The following RPTOR variants were observed in gnomAD, a reference collection of about 807,000 sequenced individuals.
The protein encoded by RPTOR is regulatory-associated protein of mTOR.
A neutral mutation model predicts 169.9 loss-of-function variants in RPTOR; 21 were observed. The observed-to-expected ratio is 0.12, with a 90% CI of 0.09 to 0.18. RPTOR has a LOEUF of 0.18. Ranked by LOEUF, RPTOR falls within the 10% of genes least tolerant of loss-of-function variation. The probability of loss-of-function intolerance (pLI) is 1.00; values close to 1 mark genes in which losing one functional copy is unlikely to be tolerated. For missense variants in RPTOR, 1,133 were observed against 1,855.9 expected, an observed-to-expected ratio of 0.61 and a Z score of 7.16; for synonymous variants, 732 against 753.2, an observed-to-expected ratio of 0.97 and a Z score of 0.46.
At chr17:80,573,122 A>G (rs2064924995) in intron 1 of RPTOR, among the ~76,000 whole-genome samples, 1 of 152,078 alleles carries the variant, frequency 6.6e-6, no homozygotes, top group Non-Finnish European at 1.5e-5. Context: ...TGTTTATCCC[A>G]TTGATCTGCT....
intron 25 of RPTOR, among the ~76,000 whole-genome samples, chr17:80,943,865 C>A (rs1012740324): frequency 1.6e-4 from 24 of 152,202 alleles, no homozygotes; most frequent in Non-Finnish European, 2.2e-4. Flanking sequence ...CCACCTGGAG[C>A]TATGTCTCTG....
intron 1 of RPTOR, among the ~76,000 whole-genome samples, chr17:80,551,862 A>G (rs2084349740): frequency 6.6e-6 from 1 of 152,172 alleles, no homozygotes; most frequent in Non-Finnish European, 1.5e-5. Flanking sequence ...TTTCCTAGGC[A>G]GAGGTCCCTG....
intron 1 of RPTOR, among the ~76,000 whole-genome samples, chr17:80,587,762 A>G (rs2065073367): frequency 1.3e-5 from 2 of 150,508 alleles, no homozygotes; most frequent in Non-Finnish European, 1.5e-5. Flanking sequence ...AACCATCACC[A>G]CACATATGTA....
At chr17:80,954,689 G>A (rs529128064) in intron 28 of RPTOR, among the ~76,000 whole-genome samples, 4 of 152,372 alleles carry the variant, frequency 2.6e-5, no homozygotes, top group Admixed American at 2.0e-4. Context: ...AGCCGAGGCA[G>A]ATGGATCACC....
chr17:80,908,212 C>G (rs1459532543), intron 20 of RPTOR, among the ~76,000 whole-genome samples: 1 of 152,204 alleles, frequency 6.6e-6, no homozygotes, highest in Non-Finnish European at 1.5e-5. Context: ...GTCTTTGTAT[C>G]CGAGTATGCA....
At chr17:80,605,586 C>T (rs974103535) in intron 1 of RPTOR, among the ~76,000 whole-genome samples, 2 of 152,138 alleles carry the variant, frequency 1.3e-5, no homozygotes, top group Non-Finnish European at 2.9e-5. Flanking sequence ...ATGGGGCATA[C>T]CGGCTGCAAA....
At chr17:80,554,572 T>C (rs190642517) in intron 1 of RPTOR, among the ~76,000 whole-genome samples, 1 of 152,002 alleles carries the variant, frequency 6.6e-6, no homozygotes, top group East Asian at 1.9e-4. Flanking sequence ...TGAAACCCCA[T>C]CTCTACTAAA....
At chr17:80,937,588 C>T (rs1015059340) in intron 24 of RPTOR, among the ~76,000 whole-genome samples, 2 of 152,220 alleles carry the variant, frequency 1.3e-5, no homozygotes, top group African/African-American at 2.4e-5. Context: ...AGATCCTCAT[C>T]ATGTAACAGG....
chr17:80,742,154 T>C (rs944069163), intron 5 of RPTOR, among the ~76,000 whole-genome samples: 31 of 152,112 alleles, frequency 2.0e-4, no homozygotes, highest in African/African-American at 7.5e-4. Context: ...ATGTGGAAGC[T>C]CCTGAGGGAG....
chr17:80,710,974 CT>C (rs1371138678), intron 4 of RPTOR, among the ~76,000 whole-genome samples: 1 of 152,212 alleles, frequency 6.6e-6, no homozygotes, highest in African/African-American at 2.4e-5. Flanking sequence ...AAAGAAAGCT[CT>C]CTGGGTGGTA....
intron 5 of RPTOR, among the ~76,000 whole-genome samples, chr17:80,753,155 C>T (rs1277359043): frequency 6.6e-6 from 1 of 152,204 alleles, no homozygotes; most frequent in East Asian, 1.9e-4. Context: ...TCCCCCTAAT[C>T]CCCCACTCGG....
rs2066150053 is a variant in RPTOR, at chr17:80,707,434, CTG to C, written c.349-405_349-404del. On this transcript the variant is annotated intron_variant, in intron 3 of 33. Coordinates refer to ENST00000306801, the MANE Select transcript of RPTOR (RefSeq NM_020761.3). The surrounding 1 kb of genome is among the most constrained non-coding windows in gnomAD (Gnocchi z 5.0). ...TTTGTTTTTTTGAGACCATCTCACT[CTG>C]TCACTCAGGCTGGAGTACAGTGTTG... Among the ~76,000 whole-genome samples the C allele has an allele frequency of 6.6e-6, 1 of 152,216 alleles. No individual in the cohort carries two copies. Among genetic ancestry groups the C allele is most frequent in the Non-Finnish European group, 1.5e-5 (1 of 68,040 alleles).
chr17:80,741,314 G>A (rs1290564895), intron 5 of RPTOR, among the ~76,000 whole-genome samples: 2 of 152,130 alleles, frequency 1.3e-5, no homozygotes, highest in East Asian at 3.9e-4. Flanking sequence ...TGGTGTGGGG[G>A]CCCTCCAGGT....
At chr17:80,903,780 C>T (rs1032877052) in intron 20 of RPTOR, among the ~76,000 whole-genome samples, 23 of 152,110 alleles carry the variant, frequency 1.5e-4, no homozygotes, top group Non-Finnish European at 1.5e-5. Context: ...GGTTTCAGGG[C>T]AGAGAAGGTA....
At chr17:80,629,857 TC>T (rs2065429092) in intron 2 of RPTOR, among the ~76,000 whole-genome samples, 2 of 152,184 alleles carry the variant, frequency 1.3e-5, no homozygotes, top group African/African-American at 4.8e-5. Flanking sequence ...CCACAGCTCT[TC>T]CGTGTGTCTG....
At chr17:80,905,864 A>G (rs936161698) in intron 20 of RPTOR, among the ~76,000 whole-genome samples, 4 of 152,154 alleles carry the variant, frequency 2.6e-5, no homozygotes, top group African/African-American at 9.7e-5. Flanking sequence ...CCAGTGCCCT[A>G]TTCTTCACAG....
At chr17:80,894,975 G>C (rs1278895395) in intron 20 of RPTOR, among the ~76,000 whole-genome samples, 6 of 152,242 alleles carry the variant, frequency 3.9e-5, no homozygotes, top group Admixed American at 3.9e-4. Flanking sequence ...CTTTGGCTCT[G>C]ACTTCAATAT....
chr17:80,611,793 A>G (rs546456007), intron 1 of RPTOR, among the ~76,000 whole-genome samples: 4 of 147,154 alleles, frequency 2.7e-5, no homozygotes, highest in Admixed American at 6.7e-5. Flanking sequence ...TCTACTCATT[A>G]TGTTTGTTTC....
intron 3 of RPTOR, among the ~76,000 whole-genome samples, chr17:80,648,769 A>G (rs1345391978): frequency 6.6e-6 from 1 of 152,024 alleles, no homozygotes; most frequent in East Asian, 1.9e-4. Context: ...GTCCCCACCC[A>G]GATCTCATCT....
Sources: gnomAD v4.1 joint callset for allele counts (sites outside exome capture counted in the v4.1 genomes callset) on GRCh38, gnomAD v4.1.1 for gene constraint, Gnocchi (gnomAD v3.1) non-coding constraint, MANE v1.5 for transcripts, NCBI Gene and HGNC (gene_info 2026-07-23, HGNC 2026-07-21) for gene names.